ENTREP2: variants seen among roughly 807,000 people sequenced by gnomAD.
The protein encoded by ENTREP2 is protein ENTREP2.
At chr15:29,258,579 T>C in the ENTREP2 span, among the ~76,000 whole-genome samples, 2 of 152,202 alleles carry the variant, frequency 1.3e-5, no homozygotes, top group Non-Finnish European at 2.9e-5. Flanking sequence ...TGGTAAAATA[T>C]TCATAACATG....
the ENTREP2 span, among the ~76,000 whole-genome samples, chr15:29,466,525 G>A: frequency 6.8e-6 from 1 of 146,048 alleles, no homozygotes; most frequent in Admixed American, 6.7e-5. Flanking sequence ...CCGAGGAGAG[G>A]ACGCTGCACC....
chr15:29,306,182 A>G, the ENTREP2 span, among the ~76,000 whole-genome samples: 1 of 152,244 alleles, frequency 6.6e-6, no homozygotes, highest in Non-Finnish European at 1.5e-5. Flanking sequence ...AGGGTGGTAC[A>G]GGCTGACTGT....
chr15:29,219,958 A>G, the ENTREP2 span, among the ~76,000 whole-genome samples: 1 of 152,070 alleles, frequency 6.6e-6, no homozygotes, highest in Non-Finnish European at 1.5e-5. Context: ...ACAAGTCACC[A>G]CTAAAGATCC....
At chr15:29,656,841 T>G in the ENTREP2 span, among the ~76,000 whole-genome samples, 1 of 152,206 alleles carries the variant, frequency 6.6e-6, no homozygotes. Flanking sequence ...CTAATCTCAC[T>G]GCTAGGTATT....
At chr15:29,346,040 C>A in the ENTREP2 span, among the ~76,000 whole-genome samples, 1 of 152,166 alleles carries the variant, frequency 6.6e-6, no homozygotes, top group Non-Finnish European at 1.5e-5. Context: ...TCTGAGGCTG[C>A]CCAGCTGGTG....
chr15:29,244,469 C>T, the ENTREP2 span, among the ~76,000 whole-genome samples: 2 of 152,172 alleles, frequency 1.3e-5, no homozygotes, highest in East Asian at 1.9e-4. Context: ...TCTGGGCTGA[C>T]GCATGTGCGC....
the ENTREP2 span, among the ~76,000 whole-genome samples, chr15:29,604,744 T>C: frequency 6.6e-6 from 1 of 152,114 alleles, no homozygotes; most frequent in African/African-American, 2.4e-5. Flanking sequence ...AAAAAGAAAA[T>C]CTTTTATTCC....
chr15:29,461,165 G>GT, the ENTREP2 span, among the ~76,000 whole-genome samples: 1 of 152,156 alleles, frequency 6.6e-6, no homozygotes, highest in Non-Finnish European at 1.5e-5. Context: ...CTTGCTCTGT[G>GT]TGATGTTTGT....
the ENTREP2 span, among the ~76,000 whole-genome samples, chr15:29,250,444 G>T: frequency 1.3e-5 from 2 of 152,122 alleles, no homozygotes; most frequent in South Asian, 2.1e-4. Context: ...TTATGTATCC[G>T]TGGAGGTATA....
the ENTREP2 span, among the ~76,000 whole-genome samples, chr15:29,130,999 T>A: frequency 6.6e-6 from 1 of 152,156 alleles, no homozygotes; most frequent in Non-Finnish European, 1.5e-5. Context: ...TTCACCTGGG[T>A]CTTACTGGTT....
the ENTREP2 span, among the ~76,000 whole-genome samples, chr15:29,280,646 C>T: frequency 2.0e-5 from 3 of 152,166 alleles, no homozygotes; most frequent in Non-Finnish European, 2.9e-5. Flanking sequence ...GTTAGAATCA[C>T]ATTCATCAGG....
At chr15:29,303,026 G>C in the ENTREP2 span, among the ~76,000 whole-genome samples, 16 of 152,194 alleles carry the variant, frequency 1.1e-4, 1 homozygote, top group Admixed American at 9.8e-4. Flanking sequence ...AGGCCAGTCT[G>C]AGCAGACTCA....
the ENTREP2 span, among the ~76,000 whole-genome samples, chr15:29,217,300 C>G: frequency 1.3e-5 from 2 of 152,120 alleles, no homozygotes; most frequent in Non-Finnish European, 2.9e-5. Flanking sequence ...TAGAATCTGT[C>G]TGGTTCTCTT....
At chr15:29,548,330 GC>G in the ENTREP2 span, among the ~76,000 whole-genome samples, 3 of 151,850 alleles carry the variant, frequency 2.0e-5, no homozygotes, top group Admixed American at 1.3e-4. Context: ...TGTGGTGCAT[GC>G]CTGTAATCCT....
chr15:29,275,345 A>G, the ENTREP2 span, among the ~76,000 whole-genome samples: 1 of 152,240 alleles, frequency 6.6e-6, no homozygotes, highest in Non-Finnish European at 1.5e-5. Context: ...AATAAAAAAT[A>G]TATTTTCAAT....
At chr15:29,395,860 T>G in the ENTREP2 span, among the ~76,000 whole-genome samples, 1 of 152,136 alleles carries the variant, frequency 6.6e-6, no homozygotes, top group Admixed American at 6.6e-5. Context: ...TTGCATCTCC[T>G]TAAGGATTAG....
the ENTREP2 span, among the ~76,000 whole-genome samples, chr15:29,589,857 G>A: frequency 2.0e-5 from 3 of 152,140 alleles, no homozygotes; most frequent in Non-Finnish European, 4.4e-5. Context: ...TCCTGCATCC[G>A]TTTCCTCATC....
the ENTREP2 span, among the ~76,000 whole-genome samples, chr15:29,603,393 G>A: frequency 6.6e-6 from 1 of 152,102 alleles, no homozygotes; most frequent in African/African-American, 2.4e-5. Context: ...CTGAACAGTT[G>A]GGGTTTTCTC....
the ENTREP2 span, among the ~76,000 whole-genome samples, chr15:29,357,861 A>AG: frequency 2.6e-5 from 4 of 151,750 alleles, no homozygotes; most frequent in Non-Finnish European, 2.9e-5. Context: ...AGAAAAGAAA[A>AG]AAAAAAAAAA....
Sources: allele counts gnomAD v4.1 joint callset (sites outside exome capture counted in the v4.1 genomes callset), GRCh38; gene constraint gnomAD v4.1.1; transcripts MANE v1.5; gene names NCBI Gene and HGNC (gene_info 2026-07-23, HGNC 2026-07-21).